The following KIF20B variants were observed in gnomAD, a reference collection of about 807,000 sequenced individuals.
The protein encoded by KIF20B is kinesin family member 20B, also known as kinesin-like protein KIF20B.
In KIF20B, 188 loss-of-function variants were observed where a neutral mutation model predicts 232.5. The observed-to-expected ratio is 0.81, with a 90% confidence interval of 0.72 to 0.91. The LOEUF is 0.91. Among genes scored for constraint, KIF20B ranks in the 40% least tolerant of loss-of-function variants. KIF20B has a pLI of 0.00. For synonymous variants in KIF20B, 712 were observed against 683.0 expected (o/e 1.04, Z -0.66); for missense variants, 2,154 against 2,055.9 (o/e 1.05, Z -0.92).
chr10:89,748,442 C>CT (rs1347931017), intron 23 of KIF20B, among the ~76,000 whole-genome samples: 1 of 152,226 alleles, frequency 6.6e-6, no homozygotes, highest in African/African-American at 2.4e-5. Context: ...GTGCTTCACT[C>CT]TTAAGTCTCA....
chr10:89,752,652 T>C lies in KIF20B; in HGVS notation c.4308T>C (p.Asp1436=). Residue 1436 remains aspartate, a synonymous_variant, in exon 25 of 33, where the codon GAT becomes GAC. Transcript: ENST00000371728. ...ATAAAGAACATGAGAACAACACAGA[T>C]GTGCTTGGAAAGCTCACTAATCTTC... ...RSNKEHENNT[D]VLGKLTNLQD... 1 of 1,595,692 alleles carries C rather than the reference T, an allele frequency of 6.3e-7. No homozygotes were observed. Among genetic ancestry groups the C allele is most frequent in the Non-Finnish European group, 8.5e-7 (1 of 1,171,832 alleles).
At chr10:89,742,106 C>G (rs186352241) in intron 21 of KIF20B, among the ~76,000 whole-genome samples, 21 of 152,220 alleles carry the variant, frequency 1.4e-4, no homozygotes, top group Admixed American at 5.2e-4. Flanking sequence ...AAGAACAAAT[C>G]TTCCATCTGT....
chr10:89,769,555 A>G (rs927818498), intron 31 of KIF20B, among the ~76,000 whole-genome samples: 3 of 151,966 alleles, frequency 2.0e-5, no homozygotes, highest in Non-Finnish European at 2.9e-5. Context: ...TATGTACAAT[A>G]TGTCAAAAAC....
At chr10:89,732,625 C>A (rs1410138499) in intron 18 of KIF20B, among the ~76,000 whole-genome samples, 1 of 152,074 alleles carries the variant, frequency 6.6e-6, no homozygotes, top group Non-Finnish European at 1.5e-5. Flanking sequence ...GGCTACAAAA[C>A]AAAATAAATA....
intron 24 of KIF20B, among the ~76,000 whole-genome samples, chr10:89,752,331 A>T (rs1170049801): frequency 6.6e-6 from 1 of 152,102 alleles, no homozygotes; most frequent in Non-Finnish European, 1.5e-5. Context: ...TGAATTTATT[A>T]TACTATACTG....
chr10:89,740,149 C>T (rs1004551384), intron 21 of KIF20B, among the ~76,000 whole-genome samples: 5 of 150,622 alleles, frequency 3.3e-5, no homozygotes, highest in African/African-American at 1.2e-4. Flanking sequence ...TAATGAAGTA[C>T]AGCTTCTATT....
intron 31 of KIF20B, 133 bp from the exon 32 acceptor site, chr10:89,772,550 CATATAT>C (rs1241960354): frequency 2.1e-6 from 1 of 482,928 alleles, no homozygotes; most frequent in African/African-American, 2.0e-5. Context: ...GCCCTTTCAC[CATATAT>C]ATATTGCAGT....
chr10:89,705,183 T>C, intron 1 of KIF20B, 111 bp from the exon 2 acceptor site: 1 of 858,398 alleles, frequency 1.2e-6, no homozygotes, highest in Non-Finnish European at 1.9e-6. Flanking sequence ...TGCGTTTCTT[T>C]TCTAAAATCT....
In KIF20B at chr10:89,739,092, A is replaced by C; in HGVS notation, c.3911A>C (p.Lys1304Thr). 2.5e-6 allele frequency: 4 copies of C among 1,611,708 alleles called. No homozygotes were observed. The highest frequency in any genetic ancestry group is 3.4e-6 in the Non-Finnish European group (4 of 1,179,178). The change falls in exon 21 of 33, where the codon AAA becomes ACA. Residue 1304 changes from lysine (K) to threonine (T), a missense_variant. Physicochemically the swap from Lys to Thr is moderately conservative, Grantham distance 78. Transcript: ENST00000371728. ...DAKKQIKQVQ[K>T]EVSVMRDEDK... ...AAAAAGCAGATTAAGCAAGTACAGA[A>C]AGAGGTAGGTTATTTGAAAAGTTAT...
chr10:89,759,150 G>A (rs540264439), intron 27 of KIF20B, among the ~76,000 whole-genome samples: 44 of 151,540 alleles, frequency 2.9e-4, no homozygotes, highest in African/African-American at 9.3e-4. Flanking sequence ...TACTTTGGTA[G>A]AGTAATTAGA....
chr10:89,741,016 C>T (rs1410821032), intron 21 of KIF20B, among the ~76,000 whole-genome samples: 1 of 152,110 alleles, frequency 6.6e-6, no homozygotes, highest in Non-Finnish European at 1.5e-5. Flanking sequence ...TTATTGTGCA[C>T]TTTATATTAT....
Position 89,759,077 on chromosome 10 carries a change from T to C in KIF20B, c.4680+195T>C, listed in dbSNP as rs1337434283. 2.6e-5 allele frequency among the ~76,000 whole-genome samples: 4 copies of C among 152,042 alleles called. No homozygotes were observed. In the East Asian group the frequency reaches 7.7e-4, roughly 29 times the overall value. On this transcript the variant is annotated intron_variant, in intron 27 of 32. Transcript: ENST00000371728. ...GATTTGTCAATCAATGACTGAGATG[T>C]AGCATTTTCTCCAATATTTTGGTTA...
intron 23 of KIF20B, among the ~76,000 whole-genome samples, chr10:89,748,522 A>G (rs894922904): frequency 1.3e-5 from 2 of 152,170 alleles, no homozygotes; most frequent in Non-Finnish European, 2.9e-5. Context: ...CCAGATTATT[A>G]CTTATTTAGC....
At chr10:89,733,199 AGTTATACAT>A (rs1408328250) in intron 19 of KIF20B, 143 bp downstream of exon 19, 20 of 782,388 alleles carry the variant, frequency 2.6e-5, no homozygotes, top group Non-Finnish European at 3.9e-5. Context: ...TATTCTGGAA[AGTTATACAT>A]TTTCTAGGGA....
Position 89,740,233 on chromosome 10 carries a change from CTTTTT to C in KIF20B, c.3915+1150_3915+1154del, listed in dbSNP as rs35967236. On this transcript the variant is annotated intron_variant, in intron 21 of 32. Transcript: ENST00000371728. ...CATTTGTTCATTTTAATTGTGCTGT[CTTTTT>C]TTTTTTTTTTTTAAAGTATGTAGTT... Among the ~76,000 whole-genome samples the C allele has an allele frequency of 5.0e-3, 671 of 135,292 alleles. 5 individuals carry two copies. The highest frequency in any genetic ancestry group is 0.017 in the African/African-American group (617 of 36,364). The allele number at this position is 135,292 out of a possible 152,430, so 88.8% of individuals were successfully genotyped here. A position where few individuals can be genotyped will look rare whatever the true frequency, so the allele number is the denominator to read the frequency against.
intron 31 of KIF20B, among the ~76,000 whole-genome samples, chr10:89,769,149 G>GTA (rs1372897959): frequency 6.6e-6 from 1 of 151,912 alleles, no homozygotes; most frequent in Admixed American, 6.6e-5. Flanking sequence ...ATAAGCAAAG[G>GTA]TATGATAGTA....
intron 6 of KIF20B, among the ~76,000 whole-genome samples, chr10:89,711,938 A>G (rs965991148): frequency 6.6e-6 from 1 of 152,124 alleles, no homozygotes; most frequent in South Asian, 2.1e-4. Flanking sequence ...ATTTGGTGCT[A>G]ATTTTCCCAA....
chr10:89,735,196 A>G (rs1340230198), intron 19 of KIF20B, among the ~76,000 whole-genome samples: 1 of 152,240 alleles, frequency 6.6e-6, no homozygotes, highest in African/African-American at 2.4e-5. Flanking sequence ...TATATCTAGA[A>G]GCAGAATAAA....
At chr10:89,726,637 C>T in intron 16 of KIF20B, 116 bp downstream of exon 16, 2 of 810,822 alleles carry the variant, frequency 2.5e-6, no homozygotes, top group Non-Finnish European at 3.5e-6. Flanking sequence ...ATTCTTTCAT[C>T]TAGGTAACAT....
Sources: allele counts gnomAD v4.1 joint callset (sites outside exome capture counted in the v4.1 genomes callset), GRCh38; gene constraint gnomAD v4.1.1; transcripts MANE v1.5; gene names NCBI Gene and HGNC (gene_info 2026-07-23, HGNC 2026-07-21).